Variants in LRRK2 observed in about 807,000 individuals in gnomAD.
LRRK2 encodes leucine-rich repeat serine/threonine-protein kinase 2.
LRRK2 carries 203 observed loss-of-function variants against 302.6 expected under a neutral mutation model. The ratio of observed to expected loss-of-function variants is 0.67; its 90% CI spans 0.60 to 0.75. The LOEUF (loss-of-function observed/expected upper bound fraction) is 0.75. Ranked by LOEUF, LRRK2 falls within the 30% of genes least tolerant of loss-of-function variation. The pLI is 0.00. For missense variants in LRRK2, 2,830 were observed against 2,951.0 expected (o/e 0.96, Z 0.95); for synonymous variants, 1,066 against 1,031.9 (o/e 1.03, Z -0.63).
At chr12:40,298,206 TG>T in intron 23 of LRRK2, 36 bp from the exon 24 acceptor site, 1 of 1,606,994 alleles carries the variant, frequency 6.2e-7, no homozygotes, top group East Asian at 2.2e-5. Flanking sequence ...GTTCCTCAGA[TG>T]GTTCACTTTA....
At chr12:40,301,043 A>G (rs1000942717) in intron 25 of LRRK2, 11 of 461,038 alleles carry the variant, frequency 2.4e-5, no homozygotes, top group Non-Finnish European at 4.8e-5. Flanking sequence ...AAGCCGTGAG[A>G]TTTTTTGTGT....
rs748035840 is a variant in LRRK2, at chr12:40,283,874, G to A, written c.2242-1G>A. On this transcript the variant is annotated splice_acceptor_variant, in intron 18 of 50. Coordinates refer to ENST00000298910, the MANE Select transcript of LRRK2 (RefSeq NM_198578.4). LOFTEE classifies it high-confidence loss of function. Reference sequence around the variant, plus strand: ...TATACTTAATTTTTTTTCTTTAATAGGTATGTGAGAAAGAGAGCAGTCCCA... The same window carrying A: ...TATACTTAATTTTTTTTCTTTAATAAGTATGTGAGAAAGAGAGCAGTCCCA... 3 of 1,609,866 alleles carry A rather than the reference G, an allele frequency of 1.9e-6. No homozygotes were observed. In the South Asian group the frequency reaches 3.3e-5, roughly 18 times the overall value.
At chr12:40,358,402 TG>T (rs1307680785) in intron 46 of LRRK2, among the ~76,000 whole-genome samples, 1 of 152,222 alleles carries the variant, frequency 6.6e-6, no homozygotes, top group East Asian at 1.9e-4. Context: ...AGTTGAATTT[TG>T]TAAATGGTGA....
chr12:40,351,002 T>A (rs1592324806), intron 43 of LRRK2, among the ~76,000 whole-genome samples: 2 of 152,186 alleles, frequency 1.3e-5, no homozygotes, highest in East Asian at 3.8e-4. Context: ...GTCTCCTGAG[T>A]GGCGGGCAGG....
chr12:40,229,227 T>C (rs1349531803), intron 2 of LRRK2, among the ~76,000 whole-genome samples: 1 of 152,182 alleles, frequency 6.6e-6, no homozygotes, highest in Non-Finnish European at 1.5e-5. Context: ...CTGCTTTATA[T>C]GTTGAATTAG....
At chr12:40,228,141 T>A (rs1213026462) in intron 2 of LRRK2, among the ~76,000 whole-genome samples, 1 of 152,160 alleles carries the variant, frequency 6.6e-6, no homozygotes, top group Admixed American at 6.5e-5. Context: ...CTCTTTTTAG[T>A]TTTTTAAGAT....
At chr12:40,360,382 G>C (rs757158762) in intron 47 of LRRK2, among the ~76,000 whole-genome samples, 2 of 151,930 alleles carry the variant, frequency 1.3e-5, no homozygotes, top group African/African-American at 2.4e-5. Flanking sequence ...TTGGCACTTG[G>C]GAGTAATCTT....
At chr12:40,328,522 T>C in intron 39 of LRRK2, 62 bp downstream of exon 39, 1 of 1,281,518 alleles carries the variant, frequency 7.8e-7, no homozygotes, top group Non-Finnish European at 1.1e-6. Context: ...GGAACTCTTA[T>C]TTTGCATACA....
intron 25 of LRRK2, among the ~76,000 whole-genome samples, chr12:40,300,599 G>A (rs932923423): frequency 5.3e-5 from 8 of 151,852 alleles, no homozygotes; most frequent in Non-Finnish European, 7.4e-5. Context: ...CCTTTTCCGC[G>A]CCCTCCCTTC....
intron 4 of LRRK2, among the ~76,000 whole-genome samples, chr12:40,236,686 A>C (rs889626020): frequency 3.8e-4 from 58 of 152,158 alleles, no homozygotes; most frequent in African/African-American, 1.4e-3. Context: ...AATTGTCCTC[A>C]TCAGTCCTGC....
At chr12:40,276,366 G>A (rs1943452561) in intron 16 of LRRK2, among the ~76,000 whole-genome samples, 1 of 152,144 alleles carries the variant, frequency 6.6e-6, no homozygotes, top group Non-Finnish European at 1.5e-5. Flanking sequence ...CGCAGTCTCA[G>A]CTCACATCAC....
At chr12:40,353,646 A>G (rs1265406110) in intron 44 of LRRK2, among the ~76,000 whole-genome samples, 2 of 152,170 alleles carry the variant, frequency 1.3e-5, no homozygotes, top group African/African-American at 4.8e-5. Flanking sequence ...TGGGAGGTGG[A>G]GGTTGTAGGT....
Position 40,225,563 on chromosome 12 carries a change from T to C in LRRK2, c.160T>C (p.Leu54=), listed in dbSNP as rs776649677. Reference sequence around the variant, plus strand: ...ACCCACTTGTTTTCCAGCCTCCAAGTTATTTCAAGGCAAAAATATCCATGT... The same window carrying C: ...ACCCACTTGTTTTCCAGCCTCCAAGCTATTTCAAGGCAAAAATATCCATGT... ...VFTYSERASK[L]FQGKNIHVPL... is the part of the protein sequence containing the mutation. The change falls in exon 2 of 51, where the codon TTA becomes CTA. Residue 54 remains leucine (L), a synonymous_variant. Transcript: ENST00000298910. 13 of 1,614,054 alleles carry C rather than the reference T, an allele frequency of 8.1e-6. 1 individual carries two copies. The South Asian group carries it at 1.4e-4, about 18-fold the overall frequency.
intron 14 of LRRK2, among the ~76,000 whole-genome samples, chr12:40,273,005 C>T (rs1473970394): frequency 2.2e-5 from 3 of 134,358 alleles, no homozygotes; most frequent in African/African-American, 7.5e-5. Context: ...AAGGCCTGAC[C>T]TGTGATCATT....
intron 38 of LRRK2, among the ~76,000 whole-genome samples, chr12:40,324,599 T>C (rs931855607): frequency 2.0e-5 from 3 of 152,216 alleles, no homozygotes; most frequent in African/African-American, 7.2e-5. Flanking sequence ...CCAGAAATAA[T>C]GCCTAAGATC....
intron 38 of LRRK2, among the ~76,000 whole-genome samples, chr12:40,327,906 T>C (rs1945599420): frequency 6.6e-6 from 1 of 152,182 alleles, no homozygotes; most frequent in African/African-American, 2.4e-5. Context: ...CTTTTTGTCT[T>C]GTTATCATCA....
At chr12:40,287,574 T>C in intron 20 of LRRK2, 35 bp downstream of exon 20, 1 of 1,594,934 alleles carries the variant, frequency 6.3e-7, no homozygotes, top group African/African-American at 1.3e-5. Context: ...TTATGCTTTA[T>C]ATTTACACAC....
chr12:40,353,819 CA>C (rs542001206), intron 44 of LRRK2, among the ~76,000 whole-genome samples: 1 of 152,202 alleles, frequency 6.6e-6, no homozygotes, highest in African/African-American at 2.4e-5. Flanking sequence ...CCGTCTCCAC[CA>C]AAAAAATATG....
Position 40,328,798 on chromosome 12 carries a change from G to A in LRRK2, c.5757+338G>A, listed in dbSNP as rs113240026. On this transcript the variant is annotated intron_variant, in intron 39 of 50. Coordinates refer to ENST00000298910, the MANE Select transcript of LRRK2 (RefSeq NM_198578.4). The stretch of plus-strand genomic sequence containing the variant: ...GCAGCCAGGCATTACCTAGGAGATT[G>A]TTAGAAATGTAGAAACTTGGGACTT... 1.7e-3 allele frequency among the ~76,000 whole-genome samples: 259 copies of A among 152,254 alleles called. 1 individual carries two copies. Among genetic ancestry groups the A allele is most frequent in the African/African-American group, 5.4e-3 (225 of 41,562 alleles).
Sources: gnomAD v4.1 joint callset for allele counts (sites outside exome capture counted in the v4.1 genomes callset) on GRCh38, gnomAD v4.1.1 for gene constraint, MANE v1.5 for transcripts, NCBI Gene and HGNC (gene_info 2026-07-23, HGNC 2026-07-21) for gene names.